SFTPD: variants seen among roughly 807,000 people sequenced by gnomAD.
SFTPD encodes surfactant protein D.
A neutral mutation model predicts 34.6 loss-of-function variants in SFTPD; 18 were observed. The observed-to-expected ratio is 0.52, with a 90% CI of 0.36 to 0.77. The LOEUF is 0.77. SFTPD is among the 30% of genes least tolerant of loss of function. The probability of loss-of-function intolerance (pLI) is 0.00; values close to 1 mark genes in which losing one functional copy is unlikely to be tolerated. For missense variants in SFTPD, 433 were observed against 468.9 expected, an observed-to-expected ratio of 0.92 and a Z score of 0.71; for synonymous variants, 155 against 180.9, an observed-to-expected ratio of 0.86 and a Z score of 1.15.
At position 79,938,007 on chromosome 10, in the gene SFTPD, TGAACTTGCCCTCTGTCTTG is replaced by T; in HGVS notation, c.954_972del (p.Lys319ProfsTer72). On this transcript the variant is annotated frameshift_variant, in exon 8 of 8. Transcript: ENST00000372292. LOFTEE classifies it high-confidence loss of function. ...ACCAGGGACTCTCCTGTGGGGTAGG[TGAACTTGCCCTCTGTCTTG>T]GAATCAGTCATGCTCAGGAAAGCAG... The T allele has an allele frequency of 6.2e-7, 1 of 1,613,852 alleles. No homozygotes were observed. Among genetic ancestry groups the T allele is most frequent in the Non-Finnish European group, 8.5e-7 (1 of 1,179,786 alleles).
intron 1 of SFTPD, among the ~76,000 whole-genome samples, chr10:79,955,829 C>T (rs534561243): frequency 2.6e-5 from 4 of 152,312 alleles, no homozygotes; most frequent in Admixed American, 1.3e-4. Flanking sequence ...CTATTATTCA[C>T]TAGAGAAAGG....
At chr10:79,946,361 G>A (rs914479044) in intron 2 of SFTPD, 100 bp downstream of exon 2, 8 of 888,262 alleles carry the variant, frequency 9.0e-6, no homozygotes, top group African/African-American at 4.9e-5. Context: ...GAAGAAACAC[G>A]TCTCCAGACT....
intron 1 of SFTPD, among the ~76,000 whole-genome samples, chr10:79,955,817 C>G (rs1324532646): frequency 6.6e-6 from 1 of 152,166 alleles, no homozygotes; most frequent in Non-Finnish European, 1.5e-5. Context: ...CACTGTGTAG[C>G]TCTATTATTC....
chr10:79,965,398 C>T (rs1842797554), intron 1 of SFTPD, among the ~76,000 whole-genome samples: 1 of 152,042 alleles, frequency 6.6e-6, no homozygotes, highest in Non-Finnish European at 1.5e-5. Flanking sequence ...CTTCCTTCAG[C>T]TTAATCTCTC....
At chr10:79,942,272 T>C in intron 4 of SFTPD, 116 bp downstream of exon 4, 1 of 786,154 alleles carries the variant, frequency 1.3e-6, no homozygotes, top group East Asian at 2.5e-5. Context: ...TGGCAAGCCT[T>C]TGCAGCATCA....
At chr10:79,946,853 G>A (rs954796389) in intron 1 of SFTPD, among the ~76,000 whole-genome samples, 191 bp from the exon 2 acceptor site, 1 of 152,174 alleles carries the variant, frequency 6.6e-6, no homozygotes, top group Non-Finnish European at 1.5e-5. Context: ...TGGAGAGCAT[G>A]AGTTACCCAG....
intron 1 of SFTPD, among the ~76,000 whole-genome samples, chr10:79,973,368 C>T (rs12240866): frequency 0.078 from 11,868 of 151,992 alleles, 905 homozygotes; most frequent in East Asian, 0.39. Context: ...ATCTGTAATC[C>T]CAGCACTTTG....
chr10:79,980,127 G>A (rs554962205), intron 1 of SFTPD, among the ~76,000 whole-genome samples: 2 of 152,258 alleles, frequency 1.3e-5, no homozygotes, highest in African/African-American at 2.4e-5. Context: ...TGGTAACCAG[G>A]CAGTAAGTAC....
intron 1 of SFTPD, among the ~76,000 whole-genome samples, chr10:79,975,019 G>C (rs1219532043): frequency 6.6e-6 from 1 of 152,164 alleles, no homozygotes; most frequent in Non-Finnish European, 1.5e-5. Flanking sequence ...AAAAGGAAAG[G>C]GCTCAAATGT....
intron 1 of SFTPD, among the ~76,000 whole-genome samples, chr10:79,959,757 T>A (rs1300747636): frequency 6.6e-6 from 1 of 152,104 alleles, no homozygotes; most frequent in African/African-American, 2.4e-5. Flanking sequence ...ACTATTCCAA[T>A]CAATAGAAAA....
chr10:79,961,450 GAAA>G (rs202035213), intron 1 of SFTPD, among the ~76,000 whole-genome samples: 1 of 149,582 alleles, frequency 6.7e-6, no homozygotes, highest in Non-Finnish European at 1.5e-5. Context: ...AAATTTACAA[GAAA>G]AAAAACAACT....
intron 1 of SFTPD, among the ~76,000 whole-genome samples, chr10:79,980,816 G>A (rs932185358): frequency 2.0e-5 from 3 of 152,186 alleles, no homozygotes; most frequent in South Asian, 2.1e-4. Context: ...ATTCGATTAC[G>A]ACGCTCATTT....
upstream of SFTPD, among the ~76,000 whole-genome samples, chr10:79,949,726 C>T (rs1842697863): frequency 6.6e-6 from 1 of 152,204 alleles, no homozygotes; most frequent in South Asian, 2.1e-4. Flanking sequence ...CCTTAGCAGA[C>T]CTCTGCCTTG....
intron 1 of SFTPD, among the ~76,000 whole-genome samples, chr10:79,956,769 T>G (rs1415830729): frequency 6.6e-6 from 1 of 152,190 alleles, no homozygotes; most frequent in East Asian, 1.9e-4. Context: ...TCTGCAGACT[T>G]AAATGTCCCT....
In SFTPD at chr10:79,941,458, A is replaced by T. The variant is rs769131928; in HGVS notation, c.607T>A (p.Leu203Met). The T allele has an allele frequency of 6.6e-5, 107 of 1,613,098 alleles. No individual in the cohort carries two copies. Among genetic ancestry groups the T allele is most frequent in the Non-Finnish European group, 8.8e-5 (104 of 1,179,550 alleles). The change falls in exon 6 of 8, where the codon TTG (leucine) becomes ATG (methionine). Residue 203 changes from leucine to methionine, a missense_variant. Physicochemically the swap from Leu to Met is conservative, Grantham distance 15. Transcript: ENST00000372292. ...CCAGGAATGCCTTTGTCCCCCTTCA[A>T]TCCCGGGGGTCCCCTGGCACCTGGA... ...GSPGARGPPGLKGDKGIPGDK... is the reference protein window; with the variant it reads ...GSPGARGPPGMKGDKGIPGDK...
At chr10:79,974,588 C>A (rs1283658265) in intron 1 of SFTPD, among the ~76,000 whole-genome samples, 1 of 152,142 alleles carries the variant, frequency 6.6e-6, no homozygotes, top group Non-Finnish European at 1.5e-5. Context: ...AAGATACATA[C>A]AAAATATATC....
intron 1 of SFTPD, among the ~76,000 whole-genome samples, chr10:79,962,817 T>C (rs535390932): frequency 4.6e-5 from 7 of 152,324 alleles, no homozygotes; most frequent in African/African-American, 1.7e-4. Flanking sequence ...TGCATATAAA[T>C]TTAACCCACT....
At chr10:79,982,211 G>C in intron 1 of SFTPD, 1 of 562,220 alleles carries the variant, frequency 1.8e-6, no homozygotes, top group South Asian at 5.4e-5. Context: ...CTGGGGCTCG[G>C]ATCTACCTTC....
chr10:79,982,281 C>T (rs978194287), intron 1 of SFTPD: 1 of 994,984 alleles, frequency 1.0e-6, no homozygotes, highest in Non-Finnish European at 1.3e-6. Flanking sequence ...CGGGCCACCG[C>T]GGGGCGGTTC....
Sources: allele counts gnomAD v4.1 joint callset (sites outside exome capture counted in the v4.1 genomes callset), GRCh38; gene constraint gnomAD v4.1.1; transcripts MANE v1.5; gene names NCBI Gene and HGNC (gene_info 2026-07-23, HGNC 2026-07-21).